Variants in GATA4 observed in about 807,000 individuals in gnomAD.
GATA4 encodes transcription factor GATA-4.
GATA4 carries 7 observed loss-of-function variants against 37.9 expected under a neutral mutation model. The ratio of observed to expected loss-of-function variants is 0.18; its 90% CI spans 0.11 to 0.35. The LOEUF (loss-of-function observed/expected upper bound fraction) is 0.35, where lower values mean the gene tolerates loss of function less well. Ranked by LOEUF, GATA4 falls within the 10% of genes least tolerant of loss-of-function variation. The pLI is 1.00. For missense variants in GATA4, 647 were observed against 653.0 expected, an observed-to-expected ratio of 0.99 and a Z score of 0.10; for synonymous variants, 372 against 292.6, an observed-to-expected ratio of 1.27 and a Z score of -2.77.
rs1038978744 is a variant in GATA4, at chr8:11,681,248, G to T, written c.-274+4185G>T. The T allele has an allele frequency of 3.0e-6, 3 of 985,292 alleles. No homozygotes were observed. In the African/African-American group the frequency reaches 5.2e-5, roughly 17 times the overall value. 61.0% of individuals were successfully genotyped at this position (985,292 alleles called of 1,614,324 possible). A position where few individuals can be genotyped will look rare whatever the true frequency, so the allele number is the denominator to read the frequency against. ...CTCGACGTTTGGGGACTTACAGCTC[G>T]TCTGGGAGCGACTGGATTCCCAGGC... On this transcript the variant is annotated intron_variant, in intron 1 of 6. Transcript: ENST00000528712.
Position 11,708,140 on chromosome 8 carries a change from G to A in GATA4, c.-173G>A, listed in dbSNP as rs886376613. 1.3e-6 allele frequency: 1 copy of A among 764,358 alleles called. No individual in the cohort carries two copies. The allele number at this position is 764,358 out of a possible 1,614,324, so 47.3% of individuals were successfully genotyped here. On this transcript the variant is annotated 5_prime_UTR_variant, in exon 2 of 7. Transcript: ENST00000532059. The surrounding 1 kb of genome is among the most constrained non-coding windows in gnomAD (Gnocchi z 6.7). ...GCCTAGAGCCCTTTGCTCAATGCTG[G>A]ATTTAATACGTATATATTTTTAAGC... is the stretch of plus-strand genomic sequence containing the variant.
intron 2 of GATA4, among the ~76,000 whole-genome samples, chr8:11,711,829 C>G (rs1043425642): frequency 2.0e-5 from 3 of 151,516 alleles, no homozygotes; most frequent in Non-Finnish European, 4.4e-5. Context: ...GCTCTCCTAC[C>G]TGCCTGGCAG....
intron 2 of GATA4, among the ~76,000 whole-genome samples, chr8:11,742,617 T>C (rs1393958791): frequency 8.5e-5 from 13 of 152,174 alleles, no homozygotes. Context: ...GCTTCCAAAA[T>C]AGGTGATTTC....
At chr8:11,753,043 T>C (rs1468186721) in intron 4 of GATA4, among the ~76,000 whole-genome samples, 2 of 152,222 alleles carry the variant, frequency 1.3e-5, no homozygotes, top group East Asian at 1.9e-4. Context: ...TGATCCAGCG[T>C]ACCATTTCTG....
At chr8:11,717,162 G>T (rs1319357413) in intron 2 of GATA4, among the ~76,000 whole-genome samples, 1 of 152,182 alleles carries the variant, frequency 6.6e-6, no homozygotes, top group Non-Finnish European at 1.5e-5. Context: ...TAATTTAATG[G>T]CTATCTCTAG....
chr8:11,730,203 C>T (rs1428769798), intron 2 of GATA4, among the ~76,000 whole-genome samples: 4 of 152,208 alleles, frequency 2.6e-5, no homozygotes, highest in Non-Finnish European at 2.9e-5. Flanking sequence ...CATAAGCCAT[C>T]GTGCCTGGCC....
At chr8:11,745,166 G>C (rs888077603) in intron 2 of GATA4, among the ~76,000 whole-genome samples, 5 of 152,204 alleles carry the variant, frequency 3.3e-5, no homozygotes, top group Non-Finnish European at 1.5e-5. Flanking sequence ...AGGTGAGCCT[G>C]CAGGAGCTGC....
chr8:11,718,316 C>G (rs886079893), intron 2 of GATA4, among the ~76,000 whole-genome samples: 2 of 152,332 alleles, frequency 1.3e-5, no homozygotes, highest in East Asian at 3.9e-4. Context: ...ATTCAAGTTT[C>G]TTATCTGAAT....
At chr8:11,683,308 C>T (rs896830983) in intron 1 of GATA4, among the ~76,000 whole-genome samples, 1 of 152,208 alleles carries the variant, frequency 6.6e-6, no homozygotes, top group African/African-American at 2.4e-5. Flanking sequence ...GGGGATTAAT[C>T]AGAGAGTTTT....
intron 1 of GATA4, chr8:11,697,749 T>G: frequency 1.0e-6 from 1 of 985,212 alleles, no homozygotes; most frequent in Non-Finnish European, 1.2e-6. Context: ...CCGCGCCAGG[T>G]CGCGGCGCCT....
At chr8:11,723,490 T>C (rs960095904) in intron 2 of GATA4, among the ~76,000 whole-genome samples, 1 of 152,250 alleles carries the variant, frequency 6.6e-6, no homozygotes, top group Non-Finnish European at 1.5e-5. Flanking sequence ...TTTAATAGTT[T>C]CTTGCTTTCC....
upstream of GATA4, among the ~76,000 whole-genome samples, chr8:11,689,916 A>G (rs563511423): frequency 6.6e-6 from 1 of 152,232 alleles, no homozygotes; most frequent in Non-Finnish European, 1.5e-5. Context: ...GTTGAAATGG[A>G]TAACAGAATA....
At chr8:11,703,300 T>A (rs1323249362), upstream of GATA4, among the ~76,000 whole-genome samples, 1 of 152,116 alleles carries the variant, frequency 6.6e-6, no homozygotes, top group Non-Finnish European at 1.5e-5. Flanking sequence ...ATTGCTCTAT[T>A]AACCTTTAGA....
intron 1 of GATA4, among the ~76,000 whole-genome samples, chr8:11,680,076 C>T (rs376935427): frequency 6.6e-6 from 1 of 152,222 alleles, no homozygotes; most frequent in Non-Finnish European, 1.5e-5. Context: ...TAAAGGACTT[C>T]CCGCCGGAGA....
chr8:11,721,881 C>T (rs895992319), intron 2 of GATA4, among the ~76,000 whole-genome samples: 2 of 152,226 alleles, frequency 1.3e-5, no homozygotes, highest in African/African-American at 4.8e-5. Context: ...GTGGATTCAC[C>T]TACCTCCCAG....
chr8:11,744,355 CTAT>C (rs1257563477), intron 2 of GATA4, among the ~76,000 whole-genome samples: 1 of 152,220 alleles, frequency 6.6e-6, no homozygotes. Context: ...TACTTTACAA[CTAT>C]TATTACAAGT....
At chr8:11,698,591 T>A (rs1288584300) in intron 1 of GATA4, among the ~76,000 whole-genome samples, 1 of 152,134 alleles carries the variant, frequency 6.6e-6, no homozygotes, top group Non-Finnish European at 1.5e-5. Context: ...CCGGCTGACT[T>A]GGTCTCTCCA....
At chr8:11,725,939 C>A (rs1016923747) in intron 2 of GATA4, among the ~76,000 whole-genome samples, 1 of 152,252 alleles carries the variant, frequency 6.6e-6, no homozygotes, top group Non-Finnish European at 1.5e-5. Context: ...TCTCCAGCCA[C>A]AATTCCTGAG....
intron 2 of GATA4, among the ~76,000 whole-genome samples, chr8:11,712,203 C>G (rs1012914295): frequency 6.6e-6 from 1 of 152,184 alleles, no homozygotes; most frequent in Admixed American, 6.5e-5. Context: ...TGTAGAGTTA[C>G]CAATTTTGCT....
Sources: allele counts gnomAD v4.1 joint callset (sites outside exome capture counted in the v4.1 genomes callset), GRCh38; gene constraint gnomAD v4.1.1; non-coding constraint Gnocchi (gnomAD v3.1); transcripts MANE v1.5; gene names NCBI Gene and HGNC (gene_info 2026-07-23, HGNC 2026-07-21).